Variants in KIF20B observed in about 807,000 individuals in gnomAD.
KIF20B encodes the protein kinesin-like protein KIF20B.
A neutral mutation model predicts 232.5 loss-of-function variants in KIF20B; 188 were observed. The ratio of observed to expected loss-of-function variants is 0.81; its 90% CI spans 0.72 to 0.91. The LOEUF (loss-of-function observed/expected upper bound fraction) is 0.91, where lower values mean the gene tolerates loss of function less well. KIF20B is among the 40% of genes least tolerant of loss of function. KIF20B has a pLI of 0.00. For synonymous variants in KIF20B, 712 were observed against 683.0 expected (o/e 1.04, Z -0.66); for missense variants, 2,154 against 2,055.9 (o/e 1.05, Z -0.92).
At chr10:89,714,290 C>CT (rs1564658403) in intron 7 of KIF20B, among the ~76,000 whole-genome samples, 1 of 151,924 alleles carries the variant, frequency 6.6e-6, no homozygotes, top group East Asian at 1.9e-4. Flanking sequence ...ACCATCCTGG[C>CT]CAACATGATG....
intron 32 of KIF20B, among the ~76,000 whole-genome samples, chr10:89,773,681 C>T (rs1842512961): frequency 6.6e-6 from 1 of 151,924 alleles, no homozygotes; most frequent in Admixed American, 6.6e-5. Context: ...TTATTTGAGG[C>T]ACTTGTCTCC....
At chr10:89,714,737 CAT>C (rs1390279560) in intron 7 of KIF20B, among the ~76,000 whole-genome samples, 4 of 152,182 alleles carry the variant, frequency 2.6e-5, no homozygotes, top group Admixed American at 6.5e-5. Context: ...GGTTCATTAA[CAT>C]ATTTTCAAAA....
intron 17 of KIF20B, among the ~76,000 whole-genome samples, chr10:89,728,482 T>G (rs1381338951): frequency 1.3e-5 from 2 of 152,152 alleles, no homozygotes; most frequent in East Asian, 3.9e-4. Context: ...ATGATGTAAC[T>G]TGCCCAGGGT....
intron 6 of KIF20B, 68 bp from the exon 7 acceptor site, chr10:89,713,975 GTAAT>G: frequency 3.2e-6 from 2 of 634,874 alleles, no homozygotes; most frequent in Non-Finnish European, 5.1e-6. Flanking sequence ...ATTTGGATAG[GTAAT>G]TAATATCTTG....
chr10:89,733,831 G>C (rs1022821601), intron 19 of KIF20B, among the ~76,000 whole-genome samples: 1 of 152,102 alleles, frequency 6.6e-6, no homozygotes, highest in East Asian at 1.9e-4. Context: ...CTGTATTGAA[G>C]AAAAGAGATC....
Position 89,762,722 on chromosome 10 carries a change from C to T in KIF20B, c.4876C>T (p.Gln1626Ter). The T allele has an allele frequency of 6.2e-7, 1 of 1,613,466 alleles. No homozygotes were observed. Among genetic ancestry groups the T allele is most frequent in the Non-Finnish European group, 8.5e-7 (1 of 1,179,636 alleles). Residue 1626 changes from glutamine (Q) to a stop codon, truncating the protein, a stop_gained, in exon 29 of 33, where the codon CAA (glutamine) becomes TAA (stop). Transcript: ENST00000371728. LOFTEE classifies it high-confidence loss of function. ...ATTTCCAAAACCTGAGTTAGAGATTCAATTTACACCTTTACAGCCAAACAA... is the reference window on the plus strand; with the variant it reads ...ATTTCCAAAACCTGAGTTAGAGATTTAATTTACACCTTTACAGCCAAACAA... ...TRFPKPELEI[Q>*]FTPLQPNKMA...
At chr10:89,747,933 C>G (rs1841951043) in intron 23 of KIF20B, among the ~76,000 whole-genome samples, 1 of 152,128 alleles carries the variant, frequency 6.6e-6, no homozygotes, top group Admixed American at 6.5e-5. Flanking sequence ...AATTTAGATT[C>G]AAATCCTAGG....
intron 18 of KIF20B, among the ~76,000 whole-genome samples, chr10:89,729,907 A>G (rs542454519): frequency 1.5e-4 from 23 of 152,292 alleles, no homozygotes; most frequent in African/African-American, 5.1e-4. Context: ...AATATATGGT[A>G]ATAATGTAGT....
At chr10:89,732,103 TC>T (rs1244759933) in intron 18 of KIF20B, among the ~76,000 whole-genome samples, 2 of 150,726 alleles carry the variant, frequency 1.3e-5, no homozygotes, top group African/African-American at 5.0e-5. Flanking sequence ...TTTTGGAAGT[TC>T]CCCCCCTCTC....
chr10:89,763,350 G>A (rs533418766), intron 29 of KIF20B, among the ~76,000 whole-genome samples: 112 of 152,212 alleles, frequency 7.4e-4, no homozygotes, highest in African/African-American at 2.5e-3. Flanking sequence ...AAGATATAGC[G>A]TCCTTGCTTC....
intron 14 of KIF20B, 152 bp downstream of exon 14, chr10:89,724,255 G>C (rs1005173916): frequency 3.9e-6 from 3 of 773,364 alleles, no homozygotes; most frequent in Non-Finnish European, 5.5e-6. Context: ...GGTCTGGTGC[G>C]GTGGCTCACG....
intron 18 of KIF20B, among the ~76,000 whole-genome samples, chr10:89,730,059 A>G (rs1843285255): frequency 6.6e-6 from 1 of 152,138 alleles, no homozygotes; most frequent in African/African-American, 2.4e-5. Context: ...GTCAAACTCT[A>G]ATACCCACCA....
intron 14 of KIF20B, among the ~76,000 whole-genome samples, chr10:89,724,317 A>G (rs554302839): frequency 1.3e-5 from 2 of 151,798 alleles, no homozygotes; most frequent in South Asian, 4.1e-4. Context: ...ACTGAAGGTC[A>G]GGAGGTCGAG....
Position 89,751,522 on chromosome 10 carries a change from A to G in KIF20B, c.4222+51A>G, listed in dbSNP as rs573176675. 19 of 1,531,704 alleles carry G rather than the reference A, an allele frequency of 1.2e-5. 1 individual carries two copies. Among genetic ancestry groups the G allele is most frequent in the Middle Eastern group, 3.4e-4 (2 of 5,862 alleles). 94.9% of individuals were successfully genotyped at this position (1,531,704 alleles called of 1,614,324 possible). ...CTAAATATACTTTTTCATTTAAAAA[A>G]AAATTTCCTAGATTTCTTCCCTTGT... is the stretch of plus-strand genomic sequence containing the variant. On this transcript the variant is annotated intron_variant, in intron 24 of 32. Coordinates refer to ENST00000371728, the MANE Select transcript of KIF20B (RefSeq NM_001284259.2).
At chr10:89,746,331 GT>G (rs1292366108) in intron 23 of KIF20B, among the ~76,000 whole-genome samples, 22 of 152,284 alleles carry the variant, frequency 1.4e-4, no homozygotes, top group African/African-American at 4.6e-4. Context: ...CGTGTAGAAG[GT>G]TTTATTGAGT....
chr10:89,742,518 G>A (rs1564668688), intron 21 of KIF20B, among the ~76,000 whole-genome samples: 1 of 152,048 alleles, frequency 6.6e-6, no homozygotes, highest in Non-Finnish European at 1.5e-5. Flanking sequence ...ATTATTGTTA[G>A]TTATATAGTT....
At chr10:89,725,294 G>C (rs1843156741) in intron 15 of KIF20B, 136 bp downstream of exon 15, 1 of 811,346 alleles carries the variant, frequency 1.2e-6, no homozygotes, top group African/African-American at 1.8e-5. Flanking sequence ...TTATAATTAG[G>C]CATGTTTTTT....
intron 29 of KIF20B, among the ~76,000 whole-genome samples, chr10:89,766,006 C>A (rs1170111482): frequency 6.6e-6 from 1 of 152,078 alleles, no homozygotes; most frequent in Non-Finnish European, 1.5e-5. Context: ...CGAGGAGTAT[C>A]TTTGTGGCGT....
intron 1 of KIF20B, among the ~76,000 whole-genome samples, chr10:89,702,370 G>C (rs1365213351): frequency 6.6e-6 from 1 of 152,140 alleles, no homozygotes; most frequent in Non-Finnish European, 1.5e-5. Flanking sequence ...CGATTCGCTC[G>C]CTGGTTCAGT....
Sources: allele counts gnomAD v4.1 joint callset (sites outside exome capture counted in the v4.1 genomes callset), GRCh38; gene constraint gnomAD v4.1.1; transcripts MANE v1.5; gene names NCBI Gene and HGNC (gene_info 2026-07-23, HGNC 2026-07-21).